WWTR1: variants seen among roughly 807,000 people sequenced by gnomAD.
WWTR1 encodes WW domain-containing transcription regulator protein 1.
In WWTR1, 13 loss-of-function variants were observed where a neutral mutation model predicts 40.1. The ratio of observed to expected loss-of-function variants is 0.32; its 90% CI spans 0.21 to 0.52. WWTR1 has a LOEUF of 0.52. Ranked by LOEUF, WWTR1 falls within the 20% of genes least tolerant of loss-of-function variation. The pLI, the probability that WWTR1 is intolerant of heterozygous loss-of-function variation, is 0.97. For missense variants in WWTR1, 436 were observed against 523.1 expected, an observed-to-expected ratio of 0.83 and a Z score of 1.63; for synonymous variants, 230 against 210.1, an observed-to-expected ratio of 1.09 and a Z score of -0.82.
At chr3:149,615,504 T>C (rs1739930507) in intron 2 of WWTR1, among the ~76,000 whole-genome samples, 1 of 152,218 alleles carries the variant, frequency 6.6e-6, no homozygotes, top group South Asian at 2.1e-4. Flanking sequence ...CATACTGTTC[T>C]CTTATGGATA....
chr3:149,572,331 G>A (rs928808369), intron 3 of WWTR1, among the ~76,000 whole-genome samples: 1 of 152,158 alleles, frequency 6.6e-6, no homozygotes, highest in African/African-American at 2.4e-5. Context: ...ATAGGGATTT[G>A]AGACTAGAAT....
chr3:149,561,331 A>T (rs900978381), intron 3 of WWTR1, among the ~76,000 whole-genome samples: 1 of 152,132 alleles, frequency 6.6e-6, no homozygotes, highest in African/African-American at 2.4e-5. Flanking sequence ...TAAGTTAAAA[A>T]AAAAGAACAT....
intron 1 of WWTR1, among the ~76,000 whole-genome samples, chr3:149,676,912 C>A (rs1034827509): frequency 2.0e-5 from 3 of 150,546 alleles, no homozygotes; most frequent in Non-Finnish European, 4.4e-5. Flanking sequence ...AACTAGATAA[C>A]CTTGAGACTC....
chr3:149,723,537 G>T (rs1434795672), intron 4 of WWTR1, among the ~76,000 whole-genome samples: 1 of 152,034 alleles, frequency 6.6e-6, no homozygotes, highest in Non-Finnish European at 1.5e-5. Context: ...CTGTCTTTGT[G>T]GTGTGGATCA....
At chr3:149,642,481 G>A (rs1037753043) in intron 2 of WWTR1, among the ~76,000 whole-genome samples, 2 of 150,100 alleles carry the variant, frequency 1.3e-5, no homozygotes. Context: ...ATATAATTTT[G>A]TAAGAGAAAT....
At chr3:149,682,339 G>A (rs897665827) in intron 1 of WWTR1, among the ~76,000 whole-genome samples, 12 of 152,120 alleles carry the variant, frequency 7.9e-5, no homozygotes, top group African/African-American at 2.9e-4. Flanking sequence ...GTTTTTGAAG[G>A]CAGATAATAA....
intron 1 of WWTR1, among the ~76,000 whole-genome samples, chr3:149,696,397 T>G (rs183327945): frequency 6.6e-6 from 1 of 152,322 alleles, no homozygotes; most frequent in East Asian, 1.9e-4. Context: ...AACCAACCTT[T>G]ACAGGAATTC....
chr3:149,722,776 T>C (rs1715784772), intron 4 of WWTR1, among the ~76,000 whole-genome samples: 1 of 151,988 alleles, frequency 6.6e-6, no homozygotes, highest in Admixed American at 6.6e-5. Flanking sequence ...GTTTGCTGAT[T>C]CTTCTGCTTG....
At chr3:149,651,281 T>G (rs1237192460) in intron 2 of WWTR1, among the ~76,000 whole-genome samples, 2 of 152,056 alleles carry the variant, frequency 1.3e-5, no homozygotes, top group African/African-American at 4.8e-5. Flanking sequence ...ACAAACCACT[T>G]CTTAAGAAGT....
chr3:149,534,083 T>C (rs1407671797), intron 4 of WWTR1, among the ~76,000 whole-genome samples: 2 of 152,004 alleles, frequency 1.3e-5, no homozygotes, highest in African/African-American at 4.8e-5. Flanking sequence ...GGCAGGAGAA[T>C]TGCTTGAACC....
At chr3:149,573,618 G>A (rs1737746471) in intron 2 of WWTR1, among the ~76,000 whole-genome samples, 1 of 152,144 alleles carries the variant, frequency 6.6e-6, no homozygotes, top group Non-Finnish European at 1.5e-5. Context: ...GGAAGGCAGA[G>A]TATTAGAAAA....
intron 1 of WWTR1, among the ~76,000 whole-genome samples, chr3:149,684,265 T>C (rs1041511070): frequency 7.2e-5 from 11 of 152,052 alleles, no homozygotes; most frequent in Non-Finnish European, 1.5e-4. Flanking sequence ...CAAATGCCCT[T>C]CCGCCTCAGC....
Position 149,572,845 on chromosome 3 carries a change from A to G in WWTR1, c.568+19T>C, listed in dbSNP as rs1251988380. On this transcript the variant is annotated intron_variant, in intron 3 of 6. Coordinates refer to ENST00000360632, the MANE Select transcript of WWTR1 (RefSeq NM_015472.6). ...AAAAAAAAATATCTTTTTTAATTTT[A>G]AAAAAGCTTGAGGCTTACCGAGATT... 10 of 1,611,550 alleles carry G rather than the reference A, an allele frequency of 6.2e-6. No homozygotes were observed. The highest frequency in any genetic ancestry group is 7.6e-6 in the Non-Finnish European group (9 of 1,179,392).
intron 1 of WWTR1, among the ~76,000 whole-genome samples, chr3:149,697,174 C>T (rs1327971485): frequency 1.3e-5 from 2 of 151,626 alleles, no homozygotes; most frequent in Non-Finnish European, 2.9e-5. Context: ...CACAATTCAA[C>T]AGGCTGTACA....
upstream of WWTR1, among the ~76,000 whole-genome samples, chr3:149,661,553 T>A (rs1360055177): frequency 6.6e-6 from 1 of 151,198 alleles, no homozygotes; most frequent in Non-Finnish European, 1.5e-5. Flanking sequence ...TCCCGAGTAG[T>A]TGGGACTACA....
At chr3:149,641,309 G>A (rs754872120) in intron 2 of WWTR1, among the ~76,000 whole-genome samples, 4 of 152,120 alleles carry the variant, frequency 2.6e-5, no homozygotes, top group South Asian at 4.2e-4. Context: ...GACTCCATAC[G>A]ATATGTACCA....
intron 3 of WWTR1, among the ~76,000 whole-genome samples, chr3:149,545,683 C>T (rs144703512): frequency 0.012 from 1,752 of 152,176 alleles, 40 homozygotes; most frequent in African/African-American, 0.04. Context: ...CACCCTGCCC[C>T]GCTAATTTTT....
At chr3:149,636,311 T>C (rs905253365) in intron 2 of WWTR1, among the ~76,000 whole-genome samples, 4 of 152,206 alleles carry the variant, frequency 2.6e-5, no homozygotes, top group Non-Finnish European at 5.9e-5. Context: ...TCCTGAAAAG[T>C]CCTTTGAAAC....
chr3:149,644,310 C>A (rs770654687), intron 2 of WWTR1, among the ~76,000 whole-genome samples: 3 of 152,206 alleles, frequency 2.0e-5, no homozygotes, highest in Non-Finnish European at 4.4e-5. Context: ...ACTAAAGCAA[C>A]TTTTCAGCAA....
Sources: gnomAD v4.1 joint callset for allele counts (sites outside exome capture counted in the v4.1 genomes callset) on GRCh38, gnomAD v4.1.1 for gene constraint, MANE v1.5 for transcripts, NCBI Gene and HGNC (gene_info 2026-07-23, HGNC 2026-07-21) for gene names.